The following NAALADL2 variants were observed in gnomAD, a reference collection of about 807,000 sequenced individuals.
NAALADL2 encodes N-acetylated alpha-linked acidic dipeptidase like 2.
A neutral mutation model predicts 87.2 loss-of-function variants in NAALADL2; 76 were observed. The ratio of observed to expected loss-of-function variants is 0.87; its 90% CI spans 0.72 to 1.05. The LOEUF (loss-of-function observed/expected upper bound fraction) is 1.05. NAALADL2 is among the 50% of genes least tolerant of loss of function. The pLI is 0.00. For synonymous variants in NAALADL2, 354 were observed against 331.0 expected (o/e 1.07, Z -0.75); for missense variants, 1,089 against 945.8 (o/e 1.15, Z -1.99).
intron 2 of NAALADL2, among the ~76,000 whole-genome samples, chr3:174,678,183 A>C (rs1348341366): frequency 6.6e-6 from 1 of 152,150 alleles, no homozygotes; most frequent in Non-Finnish European, 1.5e-5. Flanking sequence ...CTTGCATGAG[A>C]ATGACTTAGA....
At chr3:174,674,508 CCT>C (rs1491529066) in intron 2 of NAALADL2, among the ~76,000 whole-genome samples, 1 of 151,866 alleles carries the variant, frequency 6.6e-6, no homozygotes, top group Non-Finnish European at 1.5e-5. Flanking sequence ...AACCACTCTT[CCT>C]TTTTTTTTTC....
chr3:175,352,166 G>A (rs201176180), intron 5 of NAALADL2, among the ~76,000 whole-genome samples: 2 of 101,344 alleles, frequency 2.0e-5, no homozygotes, highest in Non-Finnish European at 4.0e-5. Flanking sequence ...AGACTGGCTT[G>A]GATTTTTTTT....
At chr3:174,631,801 G>A (rs1381605358) in intron 2 of NAALADL2, 1 of 152,164 alleles carries the variant, frequency 6.6e-6, no homozygotes, top group Non-Finnish European at 1.5e-5. Context: ...CTCAGCAAAT[G>A]TTTCATGACA....
At chr3:175,327,761 T>G (rs2110470736) in intron 5 of NAALADL2, among the ~76,000 whole-genome samples, 1 of 152,216 alleles carries the variant, frequency 6.6e-6, no homozygotes, top group East Asian at 1.9e-4. Flanking sequence ...TTGAGTAAGG[T>G]TTGTTATGTA....
At chr3:174,694,270 C>A (rs925847937) in intron 2 of NAALADL2, among the ~76,000 whole-genome samples, 8 of 152,120 alleles carry the variant, frequency 5.3e-5, no homozygotes, top group African/African-American at 1.9e-4. Flanking sequence ...GCTATCTGTT[C>A]TTAGTTTAGT....
chr3:174,655,730 A>T (rs908790845), intron 2 of NAALADL2, among the ~76,000 whole-genome samples: 1 of 152,204 alleles, frequency 6.6e-6, no homozygotes, highest in Non-Finnish European at 1.5e-5. Flanking sequence ...ATTTAAAGTG[A>T]CTTTCTTTAT....
intron 2 of NAALADL2, among the ~76,000 whole-genome samples, chr3:175,163,059 G>GAT (rs1359216535): frequency 6.6e-6 from 1 of 152,046 alleles, no homozygotes; most frequent in East Asian, 1.9e-4. Flanking sequence ...TGATCATCAT[G>GAT]ATATATATTG....
At chr3:175,160,840 G>A (rs902561132) in intron 2 of NAALADL2, among the ~76,000 whole-genome samples, 8 of 152,084 alleles carry the variant, frequency 5.3e-5, no homozygotes, top group African/African-American at 1.9e-4. Flanking sequence ...ATGCCAACTT[G>A]GAAGTTATCT....
At chr3:175,709,579 C>G (rs1436116899) in intron 11 of NAALADL2, among the ~76,000 whole-genome samples, 1 of 152,086 alleles carries the variant, frequency 6.6e-6, no homozygotes, top group Non-Finnish European at 1.5e-5. Context: ...CTTATATGAA[C>G]CTAAAGAAAG....
At chr3:174,508,125 T>C (rs28781292) in intron 1 of NAALADL2, among the ~76,000 whole-genome samples, 3 of 145,366 alleles carry the variant, frequency 2.1e-5, no homozygotes, top group African/African-American at 7.6e-5. Context: ...TTTTTTTTTT[T>C]TTTTTTGAGA....
chr3:175,283,084 A>G (rs1190856395), intron 4 of NAALADL2, among the ~76,000 whole-genome samples: 1 of 152,072 alleles, frequency 6.6e-6, no homozygotes, highest in African/African-American at 2.4e-5. Flanking sequence ...TCCAGCATTG[A>G]TAATTATCTA....
intron 5 of NAALADL2, among the ~76,000 whole-genome samples, chr3:175,411,098 G>A (rs375270318): frequency 6.6e-6 from 1 of 152,092 alleles, no homozygotes; most frequent in East Asian, 1.9e-4. Context: ...AGTGATTATA[G>A]TCTTAGAATA....
intron 2 of NAALADL2, among the ~76,000 whole-genome samples, chr3:175,159,635 G>C (rs1283805501): frequency 6.6e-6 from 1 of 152,162 alleles, no homozygotes; most frequent in Non-Finnish European, 1.5e-5. Context: ...GTTCAAAGCT[G>C]TTGCATAAAG....
At chr3:175,266,867 T>C (rs1299080929) in intron 4 of NAALADL2, among the ~76,000 whole-genome samples, 1 of 151,950 alleles carries the variant, frequency 6.6e-6, no homozygotes, top group Non-Finnish European at 1.5e-5. Flanking sequence ...GAAGGTATTA[T>C]GGATATTAAA....
chr3:175,336,795 GTC>G (rs1208118320), intron 5 of NAALADL2, among the ~76,000 whole-genome samples: 3 of 152,082 alleles, frequency 2.0e-5, no homozygotes, highest in Non-Finnish European at 4.4e-5. Context: ...ATGTTCAAAA[GTC>G]TGTGTTTTTT....
chr3:174,580,357 G>A (rs552225206), intron 2 of NAALADL2, among the ~76,000 whole-genome samples: 1 of 152,102 alleles, frequency 6.6e-6, no homozygotes, highest in Admixed American at 6.5e-5. Context: ...GTATGGCTAA[G>A]TTTAATAATT....
chr3:175,023,274 A>C (rs1462093343), intron 1 of NAALADL2, among the ~76,000 whole-genome samples: 18 of 152,118 alleles, frequency 1.2e-4, no homozygotes, highest in Non-Finnish European at 2.1e-4. Context: ...GAGAGTTTTA[A>C]AATGTTAAAC....
At chr3:174,955,049 C>T (rs1740952856) in intron 1 of NAALADL2, among the ~76,000 whole-genome samples, 1 of 152,016 alleles carries the variant, frequency 6.6e-6, no homozygotes. Context: ...AATTCATTAC[C>T]TTTAGGAAAC....
At chr3:175,464,165 T>C (rs1406042070) in intron 7 of NAALADL2, among the ~76,000 whole-genome samples, 2 of 152,184 alleles carry the variant, frequency 1.3e-5, no homozygotes, top group African/African-American at 4.8e-5. Flanking sequence ...AATGATTTTT[T>C]TTTTTAAATA....
Sources: gnomAD v4.1 joint callset for allele counts (sites outside exome capture counted in the v4.1 genomes callset) on GRCh38, gnomAD v4.1.1 for gene constraint, MANE v1.5 for transcripts, NCBI Gene and HGNC (gene_info 2026-07-23, HGNC 2026-07-21) for gene names.